PACSIN2: variants seen among roughly 807,000 people sequenced by gnomAD.
PACSIN2 encodes the protein protein kinase C and casein kinase substrate in neurons 2.
PACSIN2 carries 25 observed loss-of-function variants against 63.8 expected under a neutral mutation model. The observed-to-expected ratio is 0.39, with a 90% CI of 0.29 to 0.55. The LOEUF (loss-of-function observed/expected upper bound fraction) is 0.55. PACSIN2 is among the 20% of genes least tolerant of loss of function. The pLI, the probability that PACSIN2 is intolerant of heterozygous loss-of-function variation, is 0.62. For synonymous variants in PACSIN2, 255 were observed against 256.2 expected (o/e 1.00, Z 0.05); for missense variants, 518 against 646.9 (o/e 0.80, Z 2.16).
chr22:42,880,141 T>C (rs1212051264), intron 7 of PACSIN2, among the ~76,000 whole-genome samples: 1 of 152,170 alleles, frequency 6.6e-6, no homozygotes, highest in Non-Finnish European at 1.5e-5. Context: ...TGTGGCTGAG[T>C]CCACGGCTCT....
chr22:42,949,587 A>T (rs745313089), intron 1 of PACSIN2, among the ~76,000 whole-genome samples: 2 of 152,148 alleles, frequency 1.3e-5, no homozygotes, highest in Non-Finnish European at 2.9e-5. Context: ...TACAATATAC[A>T]ATAATATTAT....
intron 1 of PACSIN2, among the ~76,000 whole-genome samples, chr22:42,944,531 T>A (rs775469861): frequency 1.1e-4 from 16 of 152,186 alleles, no homozygotes; most frequent in African/African-American, 1.7e-4. Context: ...TACCAACCTC[T>A]GACCCTTAAG....
chr22:42,913,979 G>C (rs764940555), intron 1 of PACSIN2, among the ~76,000 whole-genome samples: 2 of 152,224 alleles, frequency 1.3e-5, no homozygotes, highest in Non-Finnish European at 2.9e-5. Flanking sequence ...TGCAGCAACA[G>C]AGACAAAGTC....
intron 1 of PACSIN2, among the ~76,000 whole-genome samples, chr22:42,922,199 AG>A (rs1381569659): frequency 2.0e-5 from 3 of 152,230 alleles, no homozygotes; most frequent in African/African-American, 7.2e-5. Context: ...AGAGGTTAAC[AG>A]AGGTTGCTAA....
intron 2 of PACSIN2, among the ~76,000 whole-genome samples, chr22:42,908,442 T>C (rs1462117583): frequency 6.6e-6 from 1 of 152,208 alleles, no homozygotes; most frequent in East Asian, 1.9e-4. Context: ...CCCAGGCCCT[T>C]TGGACACCAG....
intron 1 of PACSIN2, among the ~76,000 whole-genome samples, chr22:42,965,012 A>G (rs895781495): frequency 1.3e-5 from 2 of 152,238 alleles, no homozygotes; most frequent in Non-Finnish European, 2.9e-5. Flanking sequence ...ACACTCCTGT[A>G]GCACCTAGGT....
At chr22:42,964,405 G>A (rs369567023) in intron 1 of PACSIN2, among the ~76,000 whole-genome samples, 6 of 140,774 alleles carry the variant, frequency 4.3e-5, no homozygotes, top group African/African-American at 1.7e-4. Context: ...GCGACAGAGC[G>A]AGACTCCGTC....
rs558258067 is a variant in PACSIN2, at chr22:42,979,647, T to C, written c.-78+35374A>G. ...GGCCCAGGTCAGATACCTCCTTCTC[T>C]ATGAATTCTCTGGCTCCTTCCTCCT... is the stretch of plus-strand genomic sequence containing the variant. On this transcript the variant is annotated intron_variant, in intron 1 of 10. Coordinates refer to ENST00000263246, the MANE Select transcript of PACSIN2 (RefSeq NM_001184970.3). Among the ~76,000 whole-genome samples, 10 of 152,286 alleles carry C rather than the reference T, an allele frequency of 6.6e-5. No individual in the cohort carries two copies. In the South Asian group the frequency reaches 1.9e-3, roughly 28 times the overall value.
intron 1 of PACSIN2, among the ~76,000 whole-genome samples, chr22:42,974,783 AG>A (rs201352879): frequency 0.028 from 4,174 of 148,854 alleles, 212 homozygotes; most frequent in African/African-American, 0.1. Context: ...AAAGAGAAGA[AG>A]GAGGAGGAGG....
At chr22:42,898,981 T>C (rs1263186786) in intron 2 of PACSIN2, among the ~76,000 whole-genome samples, 1 of 152,200 alleles carries the variant, frequency 6.6e-6, no homozygotes, top group Admixed American at 6.5e-5. Context: ...TCCTCCATCC[T>C]GCATGCATCT....
Position 42,871,462 on chromosome 22 carries a change from C to T in PACSIN2, c.1356G>A (p.Glu452=). ...CATCCTCGTCCTCCATCTTGGTCAG[C>T]TCATCCCCTGCAAGACAAAGAGGGA... ...HDELSFKAGD[E]LTKMEDEDEQ... Residue 452 remains glutamate (E), a synonymous_variant, in exon 11 of 11, where the codon GAG becomes GAA. Coordinates refer to ENST00000263246, the MANE Select transcript of PACSIN2 (RefSeq NM_001184970.3). The surrounding 1 kb of genome is among the most constrained non-coding windows in gnomAD (Gnocchi z 5.4). 2 of 1,612,936 alleles carry T rather than the reference C, an allele frequency of 1.2e-6. No homozygotes were observed. The highest frequency in any genetic ancestry group is 1.7e-6 in the Non-Finnish European group (2 of 1,178,826).
At chr22:42,931,067 G>A (rs1410376941) in intron 1 of PACSIN2, among the ~76,000 whole-genome samples, 1 of 152,256 alleles carries the variant, frequency 6.6e-6, no homozygotes, top group Admixed American at 6.5e-5. Flanking sequence ...CATTCGCTCA[G>A]TGTTCACTGC....
chr22:42,931,373 T>C (rs1003008987), intron 1 of PACSIN2, among the ~76,000 whole-genome samples: 2 of 152,224 alleles, frequency 1.3e-5, no homozygotes, highest in African/African-American at 2.4e-5. Flanking sequence ...AGTAGCTGCT[T>C]TCCACCCAGG....
intron 2 of PACSIN2, among the ~76,000 whole-genome samples, chr22:42,903,845 A>C (rs562930624): frequency 6.6e-6 from 1 of 152,198 alleles, no homozygotes; most frequent in Non-Finnish European, 1.5e-5. Flanking sequence ...TGGGGTTTTC[A>C]GTTCTTGCTC....
At position 42,876,914 on chromosome 22, in the gene PACSIN2, A is replaced by T. The variant is rs1928680520; in HGVS notation, c.1125T>A (p.Ser375Arg). ...EDEDDTGSTV[S>R]EKDDTKAKNV... ...TTTTGGCCTTAGTGTCGTCCTTCTC[A>T]CTGACGGTGCTGCCCGTGTCGTCCT... The change falls in exon 9 of 11, where the codon AGT (serine) becomes AGA (arginine). Residue 375 changes from serine to arginine, a missense_variant. Around this residue, in one of 2 missense-constraint regions of PACSIN2, gnomAD observed 507 missense variants for 612.3 expected, o/e 0.83. Transcript: ENST00000263246. 1 of 1,614,176 alleles carries T rather than the reference A, an allele frequency of 6.2e-7. No homozygotes were observed. The highest frequency in any genetic ancestry group is 2.2e-5 in the East Asian group (1 of 44,868).
chr22:42,906,502 G>A (rs145301567), intron 2 of PACSIN2, among the ~76,000 whole-genome samples: 2 of 152,194 alleles, frequency 1.3e-5, no homozygotes, highest in African/African-American at 2.4e-5. Flanking sequence ...CAGCCCACAC[G>A]TCGAGGGCCC....
intron 1 of PACSIN2, among the ~76,000 whole-genome samples, chr22:42,936,643 G>C (rs539655031): frequency 5.1e-4 from 77 of 152,304 alleles, no homozygotes; most frequent in African/African-American, 1.8e-3. Flanking sequence ...GGGCATGGTG[G>C]CTCATGCCTG....
chr22:42,929,141 A>T (rs1356230820), intron 1 of PACSIN2, among the ~76,000 whole-genome samples: 1 of 152,230 alleles, frequency 6.6e-6, no homozygotes, highest in Non-Finnish European at 1.5e-5. Context: ...CGCCCTGTGC[A>T]ACTATACTCA....
intron 1 of PACSIN2, among the ~76,000 whole-genome samples, chr22:42,999,349 G>A (rs1042732983): frequency 1.3e-5 from 2 of 151,244 alleles, no homozygotes; most frequent in Non-Finnish European, 2.9e-5. Context: ...ATGTGTGTGT[G>A]TATGTGTGTG....
Sources: gnomAD v4.1 joint callset for allele counts (sites outside exome capture counted in the v4.1 genomes callset) on GRCh38, gnomAD v4.1.1 for gene constraint, gnomAD v4.1.1 regional missense constraint, Gnocchi (gnomAD v3.1) non-coding constraint, MANE v1.5 for transcripts, NCBI Gene and HGNC (gene_info 2026-07-23, HGNC 2026-07-21) for gene names.